The following ABCG2 variants were observed in gnomAD, a reference collection of about 807,000 sequenced individuals.
The protein encoded by ABCG2 is broad substrate specificity ATP-binding cassette transporter ABCG2.
In ABCG2, 80 loss-of-function variants were observed where a neutral mutation model predicts 73.5. The ratio of observed to expected loss-of-function variants is 1.09; its 90% CI spans 0.91 to 1.31. The LOEUF (loss-of-function observed/expected upper bound fraction) is 1.31, where lower values mean the gene tolerates loss of function less well. Ranked by LOEUF, ABCG2 falls within the 50% of genes most tolerant of loss-of-function variation. The probability of loss-of-function intolerance (pLI) is 0.00; values close to 1 mark genes in which losing one functional copy is unlikely to be tolerated. For synonymous variants in ABCG2, 269 were observed against 282.4 expected, an observed-to-expected ratio of 0.95 and a Z score of 0.48; for missense variants, 796 against 786.2, an observed-to-expected ratio of 1.01 and a Z score of -0.15.
chr4:88,194,549 C>CAAAAAAAAAAAAAA (rs58945293), intron 1 of ABCG2, among the ~76,000 whole-genome samples: 1 of 52,554 alleles, frequency 1.9e-5, no homozygotes. Flanking sequence ...GACTCCGTCT[C>CAAAAAAAAAAAAAA]AAAAAAAAAA....
At chr4:88,127,526 T>C (rs1724514624) in intron 5 of ABCG2, among the ~76,000 whole-genome samples, 1 of 152,152 alleles carries the variant, frequency 6.6e-6, no homozygotes, top group Non-Finnish European at 1.5e-5. Context: ...TAAACTATAC[T>C]ACAAGGCTAC....
At chr4:88,101,524 AC>A (rs1722415300) in intron 10 of ABCG2, among the ~76,000 whole-genome samples, 1 of 151,932 alleles carries the variant, frequency 6.6e-6, no homozygotes, top group South Asian at 2.1e-4. Flanking sequence ...TCATTTTGAA[AC>A]TCACAGTCTT....
chr4:88,148,231 G>C (rs531427648), intron 1 of ABCG2, among the ~76,000 whole-genome samples: 1 of 152,126 alleles, frequency 6.6e-6, no homozygotes, highest in Non-Finnish European at 1.5e-5. Context: ...TGTGGGACTT[G>C]AGTATGCAGG....
intron 1 of ABCG2, among the ~76,000 whole-genome samples, chr4:88,221,456 C>G (rs1249889050): frequency 1.3e-5 from 2 of 152,048 alleles, no homozygotes; most frequent in African/African-American, 2.4e-5. Context: ...TTGGAGGGCT[C>G]AGAAGAAGAC....
At chr4:88,140,356 A>T (rs1404792616) in intron 1 of ABCG2, among the ~76,000 whole-genome samples, 1 of 152,212 alleles carries the variant, frequency 6.6e-6, no homozygotes, top group African/African-American at 2.4e-5. Context: ...AAAGCATATT[A>T]TGATATAAGT....
intron 1 of ABCG2, among the ~76,000 whole-genome samples, chr4:88,230,544 G>A (rs905995545): frequency 1.3e-5 from 2 of 151,596 alleles, no homozygotes; most frequent in Non-Finnish European, 2.9e-5. Flanking sequence ...TCTCACTTAG[G>A]GGTAATCTGG....
chr4:88,227,874 G>C (rs2046132), intron 1 of ABCG2, among the ~76,000 whole-genome samples: 52,276 of 152,038 alleles, frequency 0.34, 9,676 homozygotes, highest in African/African-American at 0.48. Context: ...GTCTTGAGAA[G>C]ATGCCGAGGC....
At chr4:88,108,874 A>T (rs1722935002) in intron 9 of ABCG2, among the ~76,000 whole-genome samples, 1 of 152,214 alleles carries the variant, frequency 6.6e-6, no homozygotes, top group Non-Finnish European at 1.5e-5. Flanking sequence ...CATTACCCTC[A>T]GAATATACTT....
intron 1 of ABCG2, among the ~76,000 whole-genome samples, chr4:88,195,896 A>G (rs545367627): frequency 2.6e-5 from 4 of 152,270 alleles, no homozygotes; most frequent in Non-Finnish European, 5.9e-5. Flanking sequence ...TGTTCTCAGG[A>G]GGCCATATAC....
intron 9 of ABCG2, 27 bp from the exon 10 acceptor site, chr4:88,107,293 AG>A: frequency 6.6e-7 from 1 of 1,514,180 alleles, no homozygotes. Context: ...ATGCAAAAAA[AG>A]GGGAAGAGTT....
Position 88,092,097 on chromosome 4 carries a change from A to G in ABCG2, c.*137T>C, listed in dbSNP as rs1721674288. On this transcript the variant is annotated 3_prime_UTR_variant, in exon 16 of 16. Transcript: ENST00000237612. ...AGTTTGTTGTGATTTCTAAAAATGT[A>G]TCTCTTTAAAACAATTGCTGCTGTG... 1.3e-6 allele frequency: 1 copy of G among 762,934 alleles called. No individual in the cohort carries two copies. The highest frequency in any genetic ancestry group is 2.2e-5 in the South Asian group (1 of 45,082). 47.3% of individuals were successfully genotyped at this position (762,934 alleles called of 1,614,324 possible).
intron 1 of ABCG2, among the ~76,000 whole-genome samples, chr4:88,223,503 C>T (rs1431691840): frequency 6.6e-6 from 1 of 152,158 alleles, no homozygotes; most frequent in East Asian, 1.9e-4. Context: ...CTTGCTGCTG[C>T]CATGTGAAGA....
chr4:88,147,144 T>C (rs563874513), intron 1 of ABCG2, among the ~76,000 whole-genome samples: 2 of 152,172 alleles, frequency 1.3e-5, no homozygotes, highest in South Asian at 4.2e-4. Context: ...AAAGAATCCA[T>C]TGAACTCTTC....
Position 88,101,336 on chromosome 4 carries a change from A to T in ABCG2, c.1278-17T>A. ...ACCCCAGCTCTGCCATGAAAAGGGGAACCAAATCACCGCAGTCAACTCAGC... is the reference window on the plus strand; with the variant it reads ...ACCCCAGCTCTGCCATGAAAAGGGGTACCAAATCACCGCAGTCAACTCAGC... On this transcript the variant is annotated splice_polypyrimidine_tract_variant and intron_variant, in intron 10 of 15. Transcript: ENST00000237612. 6.2e-7 allele frequency: 1 copy of T among 1,609,302 alleles called. No individual in the cohort carries two copies. The highest frequency in any genetic ancestry group is 8.5e-7 in the Non-Finnish European group (1 of 1,175,696).
At chr4:88,210,184 TACACACACACACAC>T (rs36209812) in intron 1 of ABCG2, among the ~76,000 whole-genome samples, 11 of 149,584 alleles carry the variant, frequency 7.4e-5, no homozygotes, top group East Asian at 5.9e-4. Flanking sequence ...TAAGTAATCC[TACACACACACACAC>T]ACACACACAC....
chr4:88,110,849 A>C (rs1201803793), intron 9 of ABCG2, among the ~76,000 whole-genome samples: 1 of 152,102 alleles, frequency 6.6e-6, no homozygotes, highest in Non-Finnish European at 1.5e-5. Flanking sequence ...CTCCTGCCCT[A>C]AGCTAATATT....
intron 1 of ABCG2, among the ~76,000 whole-genome samples, chr4:88,157,356 C>A (rs532471381): frequency 6.6e-6 from 1 of 152,180 alleles, no homozygotes; most frequent in African/African-American, 2.4e-5. Context: ...CAGTTAAATG[C>A]AAAGTGAGAT....
At chr4:88,129,511 G>C (rs746378309) in intron 5 of ABCG2, among the ~76,000 whole-genome samples, 1 of 152,140 alleles carries the variant, frequency 6.6e-6, no homozygotes, top group East Asian at 1.9e-4. Context: ...AAAGAATAGA[G>C]TGGAACAAAA....
chr4:88,098,096 T>C (rs1722110592), intron 12 of ABCG2, among the ~76,000 whole-genome samples: 1 of 152,196 alleles, frequency 6.6e-6, no homozygotes, highest in Admixed American at 6.5e-5. Context: ...TCACTCTGGA[T>C]TGAAATGAGA....
Sources: gnomAD v4.1 joint callset for allele counts (sites outside exome capture counted in the v4.1 genomes callset) on GRCh38, gnomAD v4.1.1 for gene constraint, MANE v1.5 for transcripts, NCBI Gene and HGNC (gene_info 2026-07-23, HGNC 2026-07-21) for gene names.